The following MTMR9 variants were observed in gnomAD, a reference collection of about 807,000 sequenced individuals.
MTMR9 encodes myotubularin related protein 9, also known as myotubularin-related protein 9.
In MTMR9, 39 loss-of-function variants were observed where a neutral mutation model predicts 69.5. The observed-to-expected ratio is 0.56, with a 90% CI of 0.43 to 0.73. The LOEUF (loss-of-function observed/expected upper bound fraction) is 0.73, where lower values mean the gene tolerates loss of function less well. MTMR9 is among the 30% of genes least tolerant of loss of function. MTMR9 has a pLI of 0.00. For synonymous variants in MTMR9, 354 were observed against 240.8 expected (o/e 1.47, Z -4.35); for missense variants, 900 against 671.2 (o/e 1.34, Z -3.77).
chr8:11,300,774 C>T (rs570795932), intron 3 of MTMR9: 1 of 152,194 alleles, frequency 6.6e-6, no homozygotes, highest in Admixed American at 6.5e-5. Context: ...AAAAGAAATT[C>T]AAGGTCTATA....
chr8:11,333,019 G>A (rs923934161), downstream of MTMR9, among the ~76,000 whole-genome samples: 8 of 152,178 alleles, frequency 5.3e-5, no homozygotes, highest in Non-Finnish European at 1.0e-4. Flanking sequence ...TAGACTTCAA[G>A]ACTTGTAGGA....
downstream of MTMR9, chr8:11,331,292 C>G: frequency 6.2e-7 from 1 of 1,613,998 alleles, no homozygotes; most frequent in Non-Finnish European, 8.5e-7. Flanking sequence ...GTATGGCTTA[C>G]CAGGGTTCCA....
intron 2 of MTMR9, among the ~76,000 whole-genome samples, chr8:11,298,274 A>G (rs1799625875): frequency 6.6e-6 from 1 of 152,154 alleles, no homozygotes; most frequent in South Asian, 2.1e-4. Context: ...ATTTAAAATA[A>G]TGGTGGTTCT....
chr8:11,337,596 G>A, the MTMR9 span, among the ~76,000 whole-genome samples: 1 of 152,206 alleles, frequency 6.6e-6, no homozygotes, highest in Non-Finnish European at 1.5e-5. Context: ...CAAAACAATT[G>A]AGATTTCTGC....
At chr8:11,339,261 G>A in the MTMR9 span, among the ~76,000 whole-genome samples, 1 of 152,194 alleles carries the variant, frequency 6.6e-6, no homozygotes, top group East Asian at 1.9e-4. Flanking sequence ...ACCTTTACTA[G>A]AACAGACCTA....
chr8:11,296,239 A>G (rs996648661), intron 2 of MTMR9, among the ~76,000 whole-genome samples: 5 of 152,180 alleles, frequency 3.3e-5, no homozygotes, highest in African/African-American at 9.7e-5. Flanking sequence ...TACGTTTTAT[A>G]AAACAAGGAT....
At chr8:11,310,450 T>G (rs1800152387) in intron 6 of MTMR9, among the ~76,000 whole-genome samples, 1 of 152,208 alleles carries the variant, frequency 6.6e-6, no homozygotes, top group Non-Finnish European at 1.5e-5. Context: ...TGCTTCCAAA[T>G]TAGGGAAATA....
rs966585738 is a variant in MTMR9, at chr8:11,309,684, G to A, written c.967G>A (p.Asp323Asn). The change falls in exon 6 of 10, where the codon GAC becomes AAC. Residue 323 changes from aspartate to asparagine, a missense_variant. Physicochemically the swap from Asp to Asn is conservative, Grantham distance 23. Transcript: ENST00000221086. ...TGCCTGCCTAGCGGCTCAGTGCATC[G>A]ACAGGTAAAGTGCATTTCAGCGTTC... The part of the protein sequence containing the change: ...TTACLAAQCI[D>N]REGASILIHG... 1.4e-5 allele frequency: 22 copies of A among 1,613,286 alleles called. No individual in the cohort carries two copies. Among genetic ancestry groups the A allele is most frequent in the Admixed American group, 6.7e-5 (4 of 59,822 alleles).
chr8:11,301,813 TAGG>T (rs1799757238), intron 3 of MTMR9, among the ~76,000 whole-genome samples: 1 of 152,164 alleles, frequency 6.6e-6, no homozygotes, highest in African/African-American at 2.4e-5. Flanking sequence ...AGAAACAGCT[TAGG>T]AGAAAATAAG....
At chr8:11,285,407 C>G (rs1369555655) in intron 1 of MTMR9, 2 of 229,258 alleles carry the variant, frequency 8.7e-6, no homozygotes, top group Non-Finnish European at 1.7e-5. Flanking sequence ...TTGGTATTGT[C>G]AGTCACCGTT....
At chr8:11,338,689 T>TTGAA in the MTMR9 span, among the ~76,000 whole-genome samples, 1 of 152,038 alleles carries the variant, frequency 6.6e-6, no homozygotes, top group Non-Finnish European at 1.5e-5. Context: ...AATGGGTGAG[T>TTGAA]TGAAGGCTGA....
chr8:11,285,918 G>A (rs1025809425), intron 1 of MTMR9, among the ~76,000 whole-genome samples: 1 of 149,220 alleles, frequency 6.7e-6, no homozygotes, highest in Non-Finnish European at 1.5e-5. Context: ...CAGAGGATAT[G>A]CCTTAAAATA....
chr8:11,306,146 T>A, intron 4 of MTMR9, 44 bp from the exon 5 acceptor site: 2 of 1,565,030 alleles, frequency 1.3e-6, no homozygotes, highest in Non-Finnish European at 8.7e-7. Context: ...TCAGAAACTT[T>A]AAAAGCAACT....
At chr8:11,295,161 G>A (rs1349411774) in intron 1 of MTMR9, 33 bp from the exon 2 acceptor site, 1 of 1,097,680 alleles carries the variant, frequency 9.1e-7, no homozygotes, top group Admixed American at 1.9e-5. Context: ...AGTAATATAT[G>A]TGTTCCTAAA....
intron 1 of MTMR9, chr8:11,294,865 T>C (rs1799497329): frequency 6.3e-6 from 1 of 159,492 alleles, no homozygotes; most frequent in Admixed American, 6.4e-5. Context: ...TGTTTTCCTA[T>C]GCTCCAGAAA....
chr8:11,291,919 A>C (rs913628211), intron 1 of MTMR9, among the ~76,000 whole-genome samples: 4 of 150,586 alleles, frequency 2.7e-5, no homozygotes, highest in African/African-American at 9.9e-5. Flanking sequence ...ATTACACACT[A>C]TATATATTTG....
In MTMR9 at chr8:11,322,536, A is replaced by G. The variant is rs556144656; in HGVS notation, c.1487-89A>G. ...GCAACAAAAGAAAAAAGAATGTATA[A>G]TACATAAATTACATCTTATCCACAA... On this transcript the variant is annotated intron_variant, in intron 9 of 9. Coordinates refer to ENST00000221086, the MANE Select transcript of MTMR9 (RefSeq NM_015458.4). The G allele has an allele frequency of 5.6e-4, 612 of 1,092,034 alleles. 7 individuals are homozygous for G. Among genetic ancestry groups the G allele is most frequent in the South Asian group, 3.6e-3 (261 of 72,326 alleles). The allele number at this position is 1,092,034 out of a possible 1,614,324, so 67.6% of individuals were successfully genotyped here.
chr8:11,316,609 G>A (rs940621191), intron 7 of MTMR9, 64 bp from the exon 8 acceptor site: 3 of 1,053,058 alleles, frequency 2.8e-6, no homozygotes, highest in Non-Finnish European at 4.1e-6. Context: ...TAGTGGTGTC[G>A]GTAGAATGCT....
intron 6 of MTMR9, among the ~76,000 whole-genome samples, chr8:11,310,919 G>A (rs922727679): frequency 6.6e-6 from 1 of 152,072 alleles, no homozygotes; most frequent in African/African-American, 2.4e-5. Context: ...AGTTTGAGCT[G>A]GCCACCTCAA....
Sources: allele counts gnomAD v4.1 joint callset (sites outside exome capture counted in the v4.1 genomes callset), GRCh38; gene constraint gnomAD v4.1.1; transcripts MANE v1.5; gene names NCBI Gene and HGNC (gene_info 2026-07-23, HGNC 2026-07-21).